SAMSN1: variants seen among roughly 807,000 people sequenced by gnomAD.
SAMSN1 encodes SAM domain, SH3 domain and nuclear localization signals 1.
In SAMSN1, 31 loss-of-function variants were observed where a neutral mutation model predicts 42.0. The observed-to-expected ratio is 0.74, with a 90% confidence interval of 0.55 to 1.00. SAMSN1 has a LOEUF of 1.00. Among genes scored for constraint, SAMSN1 ranks in the 50% least tolerant of loss-of-function variants. SAMSN1 has a pLI of 0.00. For synonymous variants in SAMSN1, 178 were observed against 151.9 expected (o/e 1.17, Z -1.26); for missense variants, 464 against 439.4 (o/e 1.06, Z -0.50).
chr21:14,581,970 G>T (rs1270315487), intron 2 of SAMSN1, among the ~76,000 whole-genome samples: 3 of 152,082 alleles, frequency 2.0e-5, no homozygotes. Flanking sequence ...TGTTAATATG[G>T]GTAAAAGTCA....
At chr21:14,648,917 T>C (rs2123392020) in intron 1 of SAMSN1, among the ~76,000 whole-genome samples, 1 of 151,758 alleles carries the variant, frequency 6.6e-6, no homozygotes, top group East Asian at 1.9e-4. Flanking sequence ...ATCCCATTAC[T>C]GGGTATATAC....
At chr21:14,647,500 T>C (rs949835620) in intron 1 of SAMSN1, among the ~76,000 whole-genome samples, 5 of 149,266 alleles carry the variant, frequency 3.3e-5, no homozygotes, top group African/African-American at 1.2e-4. Context: ...AACTTTAAAG[T>C]AGTTTTTTCC....
chr21:14,576,558 C>A (rs1398257621), intron 2 of SAMSN1, among the ~76,000 whole-genome samples: 1 of 152,160 alleles, frequency 6.6e-6, no homozygotes, highest in African/African-American at 2.4e-5. Context: ...CACGTTTGAA[C>A]TGAAAGAATT....
intron 1 of SAMSN1, among the ~76,000 whole-genome samples, chr21:14,543,661 A>G (rs988836009): frequency 3.3e-5 from 5 of 152,188 alleles, no homozygotes; most frequent in Admixed American, 1.3e-4. Flanking sequence ...GAATTGTCCA[A>G]TAGGTCACTT....
intron 2 of SAMSN1, among the ~76,000 whole-genome samples, chr21:14,581,174 G>T (rs953006107): frequency 2.0e-5 from 3 of 151,664 alleles, no homozygotes; most frequent in East Asian, 1.9e-4. Flanking sequence ...GTCTGCCCTC[G>T]TATATGGAAA....
intron 1 of SAMSN1, among the ~76,000 whole-genome samples, chr21:14,525,665 TG>T (rs1978800113): frequency 6.6e-6 from 1 of 152,160 alleles, no homozygotes; most frequent in African/African-American, 2.4e-5. Context: ...GAGCAGCAAA[TG>T]TGCGGCTATG....
chr21:14,573,116 A>G (rs759605393), intron 2 of SAMSN1, among the ~76,000 whole-genome samples: 9 of 152,152 alleles, frequency 5.9e-5, no homozygotes, highest in Non-Finnish European at 1.2e-4. Context: ...AAAGGCATGA[A>G]CCACTCAAGG....
At chr21:14,621,397 A>C (rs1044604651) in intron 2 of SAMSN1, among the ~76,000 whole-genome samples, 1 of 152,334 alleles carries the variant, frequency 6.6e-6, no homozygotes, top group East Asian at 1.9e-4. Flanking sequence ...TTTCCTAGCC[A>C]AGGGAAGCTG....
At chr21:14,549,821 G>A (rs1341735927), upstream of SAMSN1, among the ~76,000 whole-genome samples, 2 of 152,022 alleles carry the variant, frequency 1.3e-5, no homozygotes, top group Non-Finnish European at 2.9e-5. Flanking sequence ...CCTCAGAGTA[G>A]ACTTCTTTCT....
intron 2 of SAMSN1, among the ~76,000 whole-genome samples, chr21:14,634,484 G>T (rs1266174364): frequency 2.0e-5 from 3 of 151,664 alleles, no homozygotes. Flanking sequence ...AAAATAAACA[G>T]CCCCATCAAA....
intron 5 of SAMSN1, among the ~76,000 whole-genome samples, chr21:14,605,946 A>G (rs1982557529): frequency 6.6e-6 from 1 of 151,660 alleles, no homozygotes; most frequent in Admixed American, 6.6e-5. Flanking sequence ...GGTTCACGCC[A>G]TTCTCCTTCC....
At chr21:14,566,504 C>T (rs1007144563) in intron 2 of SAMSN1, among the ~76,000 whole-genome samples, 3 of 151,674 alleles carry the variant, frequency 2.0e-5, no homozygotes, top group African/African-American at 7.3e-5. Context: ...GAGGTTGGCC[C>T]ATAAAAAAAT....
intron 2 of SAMSN1, among the ~76,000 whole-genome samples, chr21:14,638,169 A>C (rs907793934): frequency 5.9e-5 from 9 of 152,202 alleles, no homozygotes; most frequent in African/African-American, 2.2e-4. Flanking sequence ...ATCCTTGTGA[A>C]ATTTGGAAAG....
At chr21:14,550,568 G>C (rs1257508267), upstream of SAMSN1, among the ~76,000 whole-genome samples, 1 of 152,086 alleles carries the variant, frequency 6.6e-6, no homozygotes, top group Admixed American at 6.6e-5. Flanking sequence ...CGGACCTGAA[G>C]TCTACATGAT....
intron 1 of SAMSN1, among the ~76,000 whole-genome samples, chr21:14,653,962 T>G (rs1356447127): frequency 6.6e-6 from 1 of 151,982 alleles, no homozygotes. Flanking sequence ...TATTAATGTT[T>G]AGAACATTAA....
chr21:14,586,690 G>C (rs113209091), upstream of SAMSN1, among the ~76,000 whole-genome samples: 32 of 152,278 alleles, frequency 2.1e-4, 1 homozygote, highest in African/African-American at 7.5e-4. Context: ...TGCAAAAAGA[G>C]GGTTTATTAA....
chr21:14,565,286 CAA>C (rs71330076), intron 2 of SAMSN1, among the ~76,000 whole-genome samples: 75 of 109,564 alleles, frequency 6.8e-4, no homozygotes, highest in African/African-American at 2.2e-3. Context: ...AGACTCTATC[CAA>C]AAAAAAAAAA....
intron 2 of SAMSN1, among the ~76,000 whole-genome samples, chr21:14,562,736 C>G (rs903793742): frequency 6.6e-6 from 1 of 151,924 alleles, no homozygotes; most frequent in Non-Finnish European, 1.5e-5. Flanking sequence ...GAATTCATAT[C>G]CATATCTTGA....
intron 6 of SAMSN1, among the ~76,000 whole-genome samples, chr21:14,600,661 A>G: frequency 6.6e-6 from 1 of 152,204 alleles, no homozygotes; most frequent in East Asian, 1.9e-4. Context: ...TTTTTCTACG[A>G]AAAACCTACA....
Sources: allele counts gnomAD v4.1 joint callset (sites outside exome capture counted in the v4.1 genomes callset), GRCh38; gene constraint gnomAD v4.1.1; transcripts MANE v1.5; gene names NCBI Gene and HGNC (gene_info 2026-07-23, HGNC 2026-07-21).